ADAMTS2: variants seen among roughly 807,000 people sequenced by gnomAD.
The protein encoded by ADAMTS2 is ADAM metallopeptidase with thrombospondin type 1 motif 2, also known as A disintegrin and metalloproteinase with thrombospondin motifs 2.
In ADAMTS2, 50 loss-of-function variants were observed where a neutral mutation model predicts 123.0. The observed-to-expected ratio is 0.41, with a 90% CI of 0.32 to 0.51. The LOEUF (loss-of-function observed/expected upper bound fraction) is 0.51. Among genes scored for constraint, ADAMTS2 ranks in the 20% least tolerant of loss-of-function variants. The probability of loss-of-function intolerance (pLI) is 0.35; values close to 1 mark genes in which losing one functional copy is unlikely to be tolerated. For missense variants in ADAMTS2, 1,494 were observed against 1,705.2 expected, an observed-to-expected ratio of 0.88 and a Z score of 2.18; for synonymous variants, 678 against 695.4, an observed-to-expected ratio of 0.98 and a Z score of 0.39.
intron 3 of ADAMTS2, among the ~76,000 whole-genome samples, chr5:179,224,352 C>A (rs1765223030): frequency 6.6e-6 from 1 of 152,228 alleles, no homozygotes; most frequent in Non-Finnish European, 1.5e-5. Context: ...CAGCAATTCT[C>A]ACTCGGGCCT....
intron 5 of ADAMTS2, among the ~76,000 whole-genome samples, chr5:179,173,874 G>A (rs1027080165): frequency 6.6e-6 from 1 of 152,076 alleles, no homozygotes; most frequent in South Asian, 2.1e-4. Context: ...TTAGCTGGGT[G>A]TGGTGGCAGG....
At chr5:179,330,270 G>A (rs1694282188) in intron 2 of ADAMTS2, among the ~76,000 whole-genome samples, 1 of 152,152 alleles carries the variant, frequency 6.6e-6, no homozygotes, top group Non-Finnish European at 1.5e-5. Context: ...CAGGCAGGTT[G>A]GGGGAAGGCT....
intron 2 of ADAMTS2, among the ~76,000 whole-genome samples, chr5:179,326,770 G>A (rs904653837): frequency 2.0e-5 from 3 of 152,102 alleles, no homozygotes; most frequent in Non-Finnish European, 2.9e-5. Flanking sequence ...GGAGGGAGCA[G>A]AAAACCAAGC....
intron 2 of ADAMTS2, among the ~76,000 whole-genome samples, chr5:179,329,138 T>C (rs377848): frequency 0.027 from 4,059 of 151,590 alleles, 71 homozygotes; most frequent in Middle Eastern, 0.061. Context: ...CCATCCTGGC[T>C]AACACGGTGA....
intron 3 of ADAMTS2, among the ~76,000 whole-genome samples, chr5:179,215,162 A>G (rs536227610): frequency 1.3e-5 from 2 of 152,364 alleles, no homozygotes; most frequent in Admixed American, 6.5e-5. Context: ...AAACTTCCAA[A>G]AACAGGCTGG....
chr5:179,300,520 A>C (rs984112203), intron 2 of ADAMTS2, among the ~76,000 whole-genome samples: 1 of 152,138 alleles, frequency 6.6e-6, no homozygotes, highest in African/African-American at 2.4e-5. Flanking sequence ...CTCTTATAGC[A>C]CCCATTGATG....
At chr5:179,216,802 A>G (rs68081358) in intron 3 of ADAMTS2, among the ~76,000 whole-genome samples, 18,989 of 152,294 alleles carry the variant, frequency 0.12, 1,284 homozygotes, top group South Asian at 0.2. Context: ...CTCAAGTAGC[A>G]ATACAGTGAA....
intron 3 of ADAMTS2, among the ~76,000 whole-genome samples, chr5:179,241,764 T>C (rs911397991): frequency 6.6e-6 from 1 of 152,254 alleles, no homozygotes; most frequent in Non-Finnish European, 1.5e-5. Flanking sequence ...TTTTAAGTTC[T>C]GAGTATGTCG....
At chr5:179,339,866 G>A (rs547576647) in intron 2 of ADAMTS2, among the ~76,000 whole-genome samples, 2 of 152,360 alleles carry the variant, frequency 1.3e-5, no homozygotes, top group African/African-American at 4.8e-5. Context: ...CCCAGTGTGT[G>A]GCCTCGAAGG....
In ADAMTS2 at chr5:179,124,969, G is replaced by A. The variant is rs375345961; in HGVS notation, c.2958+4C>T. ...TGAGGACACGGGATCGGGGGATTGCGTACCTGGGACCAGGGCCCGGCTCGC... is the reference window on the plus strand; with the variant it reads ...TGAGGACACGGGATCGGGGGATTGCATACCTGGGACCAGGGCCCGGCTCGC... On this transcript the variant is annotated splice_donor_region_variant and intron_variant, in intron 19 of 21. Coordinates refer to ENST00000251582, the MANE Select transcript of ADAMTS2 (RefSeq NM_014244.5). The A allele has an allele frequency of 1.4e-4, 224 of 1,551,192 alleles. No homozygotes were observed. In the African/African-American group the frequency reaches 3.1e-3, roughly 22 times the overall value.
chr5:179,329,283 T>C (rs558239354), intron 2 of ADAMTS2, among the ~76,000 whole-genome samples: 112 of 145,920 alleles, frequency 7.7e-4, no homozygotes, highest in African/African-American at 1.9e-3. Context: ...GCCGAGATAG[T>C]GCCACTGCGC....
At chr5:179,222,430 A>C (rs1765147417) in intron 3 of ADAMTS2, among the ~76,000 whole-genome samples, 1 of 152,226 alleles carries the variant, frequency 6.6e-6, no homozygotes. Context: ...CTACAAGCCC[A>C]GATCCCAGGG....
chr5:179,327,827 A>C (rs1757354925), intron 2 of ADAMTS2, among the ~76,000 whole-genome samples: 1 of 152,128 alleles, frequency 6.6e-6, no homozygotes. Flanking sequence ...TAAAACGAAA[A>C]CATGTTGAAA....
chr5:179,155,439 G>A lies in ADAMTS2; in HGVS notation c.1133-520C>T, dbSNP rs2113256052. Among the ~76,000 whole-genome samples the A allele has an allele frequency of 1.3e-5, 2 of 152,320 alleles. No individual in the cohort carries two copies. The highest frequency in any genetic ancestry group is 4.1e-4 in the South Asian group (2 of 4,824). On this transcript the variant is annotated intron_variant, in intron 6 of 21. Transcript: ENST00000251582. The surrounding 1 kb of genome is among the most constrained non-coding windows in gnomAD (Gnocchi z 5.1). ...TTTCTCTGGGGTCCTTGAGACCCTA[G>A]CTAGACCTGTTTCCATAATGCCGCA... is the stretch of plus-strand genomic sequence containing the variant.
rs1261726756 is a variant in ADAMTS2, at chr5:179,272,882, C to T, written c.688+29G>A. On this transcript the variant is annotated intron_variant, in intron 3 of 21. Coordinates refer to ENST00000251582, the MANE Select transcript of ADAMTS2 (RefSeq NM_014244.5). This position sits in a 1 kb window ranked among gnomAD's most constrained non-coding sequence, Gnocchi z 5.8. ...GACCAGGGCCTCAGAGGGCTCTCCA[C>T]ACAGCCTGCCCACCTGCAGTAGCCT... The T allele has an allele frequency of 2.5e-6, 4 of 1,602,600 alleles. No individual in the cohort carries two copies. The Admixed American group carries it at 6.7e-5, about 27-fold the overall frequency.
chr5:179,293,481 T>A (rs1025456411), intron 2 of ADAMTS2, among the ~76,000 whole-genome samples: 2 of 152,242 alleles, frequency 1.3e-5, no homozygotes, highest in Non-Finnish European at 2.9e-5. Context: ...GACTGGAGTG[T>A]GCCAACGCCT....
Position 179,260,215 on chromosome 5 carries a change from A to G in ADAMTS2, c.688+12696T>C, listed in dbSNP as rs1670315967. Among the ~76,000 whole-genome samples, 1 of 152,092 alleles carries G rather than the reference A, an allele frequency of 6.6e-6. No homozygotes were observed. Among genetic ancestry groups the G allele is most frequent in the South Asian group, 2.1e-4 (1 of 4,828 alleles). ...GGCAACAACAGGAGGCGTCAGTGCCAAGCCCTCCAATGCCTGCAGGGAGCA... is the reference window on the plus strand; with the variant it reads ...GGCAACAACAGGAGGCGTCAGTGCCGAGCCCTCCAATGCCTGCAGGGAGCA... On this transcript the variant is annotated intron_variant, in intron 3 of 21. Coordinates refer to ENST00000251582, the MANE Select transcript of ADAMTS2 (RefSeq NM_014244.5). The surrounding 1 kb of genome is among the most constrained non-coding windows in gnomAD (Gnocchi z 4.2).
chr5:179,194,434 C>T (rs1764375237), intron 4 of ADAMTS2, among the ~76,000 whole-genome samples: 1 of 152,160 alleles, frequency 6.6e-6, no homozygotes, highest in Non-Finnish European at 1.5e-5. Flanking sequence ...GCGGGTGGGC[C>T]TCAGAACAGG....
chr5:179,184,346 T>C (rs1764116871), intron 4 of ADAMTS2, among the ~76,000 whole-genome samples: 1 of 151,910 alleles, frequency 6.6e-6, no homozygotes, highest in African/African-American at 2.4e-5. Flanking sequence ...ACCCTCTCTC[T>C]ACTAAAAATA....
Sources: gnomAD v4.1 joint callset for allele counts (sites outside exome capture counted in the v4.1 genomes callset) on GRCh38, gnomAD v4.1.1 for gene constraint, Gnocchi (gnomAD v3.1) non-coding constraint, MANE v1.5 for transcripts, NCBI Gene and HGNC (gene_info 2026-07-23, HGNC 2026-07-21) for gene names.